Variants in RPIA observed in about 807,000 individuals in gnomAD.
The protein encoded by RPIA is ribose 5-phosphate isomerase A.
In RPIA, 29 loss-of-function variants were observed where a neutral mutation model predicts 37.8. That is an observed-to-expected ratio of 0.77 (90% CI 0.57 to 1.05). RPIA has a LOEUF of 1.05. RPIA is among the 50% of genes least tolerant of loss of function. The pLI is 0.00. For synonymous variants in RPIA, 167 were observed against 157.0 expected (o/e 1.06, Z -0.48); for missense variants, 385 against 413.6 (o/e 0.93, Z 0.60).
rs1407703669 is a variant in RPIA, at chr2:88,750,133, G to C, written c.*55G>C. 8 of 1,250,436 alleles carry C rather than the reference G, an allele frequency of 6.4e-6. No individual in the cohort carries two copies. Among genetic ancestry groups the C allele is most frequent in the African/African-American group, 5.9e-5 (4 of 67,628 alleles). 77.5% of individuals were successfully genotyped at this position (1,250,436 alleles called of 1,614,324 possible). On this transcript the variant is annotated 3_prime_UTR_variant, in exon 9 of 9. Coordinates refer to ENST00000283646, the MANE Select transcript of RPIA (RefSeq NM_144563.3). The stretch of plus-strand genomic sequence containing the variant: ...GAGTCTCCAGCCCACAGCCAAGGTG[G>C]ACGTACCTCTCCAGGAGCCTTTGCC...
intron 2 of RPIA, among the ~76,000 whole-genome samples, chr2:88,699,239 G>C (rs1256905021): frequency 6.6e-6 from 1 of 152,176 alleles, no homozygotes; most frequent in Non-Finnish European, 1.5e-5. Context: ...CCAAATAGGA[G>C]CTTTTGTGTT....
chr2:88,737,127 T>C lies in RPIA; in HGVS notation c.738+451T>C, dbSNP rs917260506. ...TGACAAGAAGTAGAATTTCTTGGGGTGTGTGAACTCTTCCCAAGGAATACT... is the reference window on the plus strand; with the variant it reads ...TGACAAGAAGTAGAATTTCTTGGGGCGTGTGAACTCTTCCCAAGGAATACT... On this transcript the variant is annotated intron_variant, in intron 7 of 8. Coordinates refer to ENST00000283646, the MANE Select transcript of RPIA (RefSeq NM_144563.3). Among the ~76,000 whole-genome samples, 4 of 152,140 alleles carry C rather than the reference T, an allele frequency of 2.6e-5. No individual in the cohort carries two copies. In the East Asian group the frequency reaches 7.7e-4, roughly 29 times the overall value.
At chr2:88,713,153 CTTTTTTTTTTTT>C (rs1175205465) in intron 3 of RPIA, among the ~76,000 whole-genome samples, 11 of 24,296 alleles carry the variant, frequency 4.5e-4, no homozygotes, top group African/African-American at 1.9e-3. Context: ...ACGAGTAGGC[CTTTTTTTTTTTT>C]TTTTTTTTTT....
chr2:88,740,538 C>G (rs145732211), intron 8 of RPIA, among the ~76,000 whole-genome samples: 1 of 152,152 alleles, frequency 6.6e-6, no homozygotes, highest in South Asian at 2.1e-4. Flanking sequence ...CATGTGCATT[C>G]GTACACAGTA....
rs942502255 is a variant in RPIA at position 88,750,649 on chromosome 2, T to C, written c.*571T>C. On this transcript the variant is annotated 3_prime_UTR_variant, in exon 9 of 9. Transcript: ENST00000283646. ...GTGGAGCGGTATGGTATGGAATGAC[T>C]TGGAATGTAAGCTGTCAGGGAGAAA... The C allele has an allele frequency of 5.0e-6, 2 of 400,172 alleles. No individual in the cohort carries two copies. The highest frequency in any genetic ancestry group is 2.5e-4 in the South Asian group (2 of 8,000). 24.8% of individuals were successfully genotyped at this position (400,172 alleles called of 1,614,324 possible).
At chr2:88,721,576 C>CT (rs1673131460) in intron 3 of RPIA, among the ~76,000 whole-genome samples, 1 of 130,258 alleles carries the variant, frequency 7.7e-6, no homozygotes, top group South Asian at 2.7e-4. Flanking sequence ...CACACACCCC[C>CT]CCCCCCACAT....
At chr2:88,741,991 C>T (rs939104729) in intron 8 of RPIA, among the ~76,000 whole-genome samples, 2 of 152,086 alleles carry the variant, frequency 1.3e-5, no homozygotes, top group Non-Finnish European at 2.9e-5. Flanking sequence ...GATTTTCTCC[C>T]ACTCTGTGGG....
At position 88,691,683 on chromosome 2, in the gene RPIA, G is replaced by C. The variant is rs1573456033; in HGVS notation, c.-16G>C. 1.9e-6 allele frequency: 3 copies of C among 1,567,824 alleles called. No individual in the cohort carries two copies. The highest frequency in any genetic ancestry group is 2.3e-5 in the East Asian group (1 of 44,266). On this transcript the variant is annotated 5_prime_UTR_variant, in exon 1 of 9. Transcript: ENST00000283646. Reference sequence around the variant, plus strand: ...CGGGGGCGGGACTTCAGCGGAGGCCGGAGCGAGGCGTCGGGATGCAGCGCC... The same window carrying C: ...CGGGGGCGGGACTTCAGCGGAGGCCCGAGCGAGGCGTCGGGATGCAGCGCC...
rs144770685 is a variant in RPIA at position 88,712,861 on chromosome 2, T to G, written c.402+12797T>G. Among the ~76,000 whole-genome samples, 379 of 151,716 alleles carry G rather than the reference T, an allele frequency of 2.5e-3. 2 individuals carry two copies. Among genetic ancestry groups the G allele is most frequent in the African/African-American group, 8.7e-3 (359 of 41,368 alleles). ...TCTCTTGTTTTGGGTTGCCCTTGCTTCTTCTTCTTCTTCTTTTCTTTTTTT... is the reference window on the plus strand; with the variant it reads ...TCTCTTGTTTTGGGTTGCCCTTGCTGCTTCTTCTTCTTCTTTTCTTTTTTT... On this transcript the variant is annotated intron_variant, in intron 3 of 8. Coordinates refer to ENST00000283646, the MANE Select transcript of RPIA (RefSeq NM_144563.3).
intron 3 of RPIA, among the ~76,000 whole-genome samples, chr2:88,712,949 A>G (rs1367536522): frequency 6.8e-6 from 1 of 147,978 alleles, no homozygotes; most frequent in Non-Finnish European, 1.5e-5. Context: ...CCTCACTGCA[A>G]CCTCCGCCTC....
chr2:88,729,332 C>G lies in RPIA; in HGVS notation c.457C>G (p.Pro153Ala), dbSNP rs775733975. The G allele has an allele frequency of 1.1e-5, 17 of 1,614,146 alleles. No individual in the cohort carries two copies. Among genetic ancestry groups the G allele is most frequent in the Non-Finnish European group, 8.5e-7 (1 of 1,180,004 alleles). Reference protein sequence around the residue: ...GLTLSDLDRHPEIDLAIDGAD... With the variant: ...GLTLSDLDRHAEIDLAIDGAD... ...GACCCTCAGTGATCTGGATCGACACCCAGAGGTAAGATTGCCACTCAGAGG... is the reference window on the plus strand; with the variant it reads ...GACCCTCAGTGATCTGGATCGACACGCAGAGGTAAGATTGCCACTCAGAGG... The change falls in exon 4 of 9, where the codon CCA (proline) becomes GCA (alanine). Residue 153 changes from proline to alanine, a missense_variant. Physicochemically the swap from Pro to Ala is conservative, Grantham distance 27. Coordinates refer to ENST00000283646, the MANE Select transcript of RPIA (RefSeq NM_144563.3).
chr2:88,712,345 T>C (rs1672970713), intron 3 of RPIA, among the ~76,000 whole-genome samples: 1 of 152,116 alleles, frequency 6.6e-6, no homozygotes, highest in South Asian at 2.1e-4. Flanking sequence ...CAAGTGAGAG[T>C]TCATCTTTAA....
At chr2:88,744,627 A>G (rs1051434759) in intron 8 of RPIA, among the ~76,000 whole-genome samples, 4 of 152,128 alleles carry the variant, frequency 2.6e-5, no homozygotes, top group Non-Finnish European at 5.9e-5. Context: ...ATTGCCATCT[A>G]TCTCATTTCT....
chr2:88,738,092 T>A lies in RPIA; in HGVS notation c.838+16T>A. On this transcript the variant is annotated intron_variant, in intron 8 of 8. Coordinates refer to ENST00000283646, the MANE Select transcript of RPIA (RefSeq NM_144563.3). ...ATGATCCCAGGTAACATGAGTGGTG[T>A]TCACCAGTCATATACACACCCATGG... is the stretch of plus-strand genomic sequence containing the variant. The A allele has an allele frequency of 1.3e-6, 2 of 1,563,832 alleles. No individual in the cohort carries two copies. The highest frequency in any genetic ancestry group is 1.8e-6 in the Non-Finnish European group (2 of 1,134,148).
At chr2:88,712,186 G>T (rs758782211) in intron 3 of RPIA, among the ~76,000 whole-genome samples, 2 of 152,190 alleles carry the variant, frequency 1.3e-5, no homozygotes, top group African/African-American at 2.4e-5. Flanking sequence ...GGTTTACAAT[G>T]AATATAGGGT....
At chr2:88,720,006 TGAG>T (rs1388032571) in intron 3 of RPIA, among the ~76,000 whole-genome samples, 1 of 152,138 alleles carries the variant, frequency 6.6e-6, no homozygotes, top group African/African-American at 2.4e-5. Flanking sequence ...CCCTTGGCGT[TGAG>T]GAGTTGAATA....
In RPIA at chr2:88,698,435, A is replaced by G. The variant is rs1486394134; in HGVS notation, c.286-49A>G. ...TTAGGAAGTAGGCTGACAAAGGAGT[A>G]AAATATGATATTAATAAGTTTTGTT... On this transcript the variant is annotated intron_variant, in intron 1 of 8. Transcript: ENST00000283646. The G allele has an allele frequency of 2.6e-6, 4 of 1,525,950 alleles. No individual in the cohort carries two copies. The Admixed American group carries it at 5.0e-5, about 19-fold the overall frequency. 94.5% of individuals were successfully genotyped at this position (1,525,950 alleles called of 1,614,324 possible).
chr2:88,702,432 C>T (rs1279744727), intron 3 of RPIA, among the ~76,000 whole-genome samples: 1 of 134,362 alleles, frequency 7.4e-6, no homozygotes, highest in Non-Finnish European at 1.6e-5. Flanking sequence ...TACAGTTCCA[C>T]GTGCTGGGGA....
chr2:88,704,522 T>G (rs1005461694), intron 3 of RPIA, among the ~76,000 whole-genome samples: 3 of 152,158 alleles, frequency 2.0e-5, no homozygotes, highest in Non-Finnish European at 2.9e-5. Flanking sequence ...GAAACTGCCC[T>G]CATGATTCAA....
Sources: gnomAD v4.1 joint callset for allele counts (sites outside exome capture counted in the v4.1 genomes callset) on GRCh38, gnomAD v4.1.1 for gene constraint, MANE v1.5 for transcripts, NCBI Gene and HGNC (gene_info 2026-07-23, HGNC 2026-07-21) for gene names.